Variants in FREM2 observed in about 807,000 individuals in gnomAD.
FREM2 encodes the protein FRAS1-related extracellular matrix protein 2.
FREM2 carries 119 observed loss-of-function variants against 219.9 expected under a neutral mutation model. That is an observed-to-expected ratio of 0.54 (90% confidence interval 0.47 to 0.63). The LOEUF (loss-of-function observed/expected upper bound fraction) is 0.63, where lower values mean the gene tolerates loss of function less well. Ranked by LOEUF, FREM2 falls within the 30% of genes least tolerant of loss-of-function variation. The pLI is 0.00. For synonymous variants in FREM2, 1,562 were observed against 1,522.8 expected (o/e 1.03, Z -0.60); for missense variants, 4,030 against 3,993.6 (o/e 1.01, Z -0.25).
chr13:38,811,289 T>C (rs1875465284), intron 6 of FREM2, among the ~76,000 whole-genome samples: 1 of 152,080 alleles, frequency 6.6e-6, no homozygotes, highest in African/African-American at 2.4e-5. Flanking sequence ...TATTATATTC[T>C]TCATTTCAAA....
intron 2 of FREM2, among the ~76,000 whole-genome samples, chr13:38,721,517 A>C (rs1230063159): frequency 1.3e-5 from 2 of 152,112 alleles, no homozygotes; most frequent in African/African-American, 4.8e-5. Flanking sequence ...TAGCAAGCTG[A>C]CCCTCAATGC....
Position 38,688,049 on chromosome 13 carries a change from C to T in FREM2, c.705C>T (p.His235=), listed in dbSNP as rs769249087. The T allele has an allele frequency of 7.5e-6, 12 of 1,608,828 alleles. No individual in the cohort carries two copies. In the Admixed American group the frequency reaches 2.0e-4, roughly 27 times the overall value. The change falls in exon 1 of 24, where the codon CAC becomes CAT. Residue 235 remains histidine (H), a synonymous_variant. Transcript: ENST00000280481. ...TGCCTCGCTATGGAGAACTCCTCCA[C>T]TACCCGCAGGTCCCTGGAGGAGCCA... ...GALPRYGELL[H]YPQVPGGARE...
At chr13:38,784,418 C>T (rs929624599) in intron 5 of FREM2, 139 bp from the exon 6 acceptor site, 27 of 816,910 alleles carry the variant, frequency 3.3e-5, no homozygotes, top group Non-Finnish European at 5.1e-5. Context: ...TAGAACAGTA[C>T]GTAGTTGCTA....
intron 4 of FREM2, among the ~76,000 whole-genome samples, chr13:38,770,172 T>G (rs576141637): frequency 6.8e-6 from 1 of 147,966 alleles, no homozygotes; most frequent in African/African-American, 2.4e-5. Context: ...TTATATAATT[T>G]TATATATAAA....
At chr13:38,807,011 A>G (rs535368385) in intron 6 of FREM2, among the ~76,000 whole-genome samples, 10 of 150,860 alleles carry the variant, frequency 6.6e-5, no homozygotes, top group African/African-American at 2.4e-4. Context: ...GATTGCAGTG[A>G]TTGAGTCATA....
chr13:38,848,397 A>G (rs1877240137), intron 7 of FREM2, 64 bp from the exon 8 acceptor site: 1 of 1,071,878 alleles, frequency 9.3e-7, no homozygotes, highest in African/African-American at 1.6e-5. Context: ...TACATAATTT[A>G]TGTCTTATAA....
intron 2 of FREM2, among the ~76,000 whole-genome samples, chr13:38,732,925 A>G (rs1285122645): frequency 1.3e-5 from 2 of 152,150 alleles, no homozygotes; most frequent in African/African-American, 4.8e-5. Flanking sequence ...TTATTGGGAT[A>G]TTGTTTCAGT....
intron 2 of FREM2, among the ~76,000 whole-genome samples, chr13:38,724,684 A>AT (rs1228399517): frequency 6.6e-6 from 1 of 152,194 alleles, no homozygotes; most frequent in African/African-American, 2.4e-5. Context: ...TAGAACCAAC[A>AT]TTATGAGAAC....
intron 6 of FREM2, among the ~76,000 whole-genome samples, chr13:38,815,609 G>A (rs1056064649): frequency 7.9e-5 from 12 of 152,176 alleles, no homozygotes; most frequent in African/African-American, 1.2e-4. Flanking sequence ...GAGATTACCC[G>A]AGGCTGGGTA....
At chr13:38,831,607 A>G (rs1014192372) in intron 6 of FREM2, among the ~76,000 whole-genome samples, 4 of 104,970 alleles carry the variant, frequency 3.8e-5, no homozygotes, top group East Asian at 3.1e-4. Flanking sequence ...ATACATTTTA[A>G]CTTCAATTTT....
chr13:38,692,858 G>C (rs541616313), intron 1 of FREM2, among the ~76,000 whole-genome samples: 40 of 152,302 alleles, frequency 2.6e-4, no homozygotes, highest in Non-Finnish European at 4.1e-4. Flanking sequence ...GTTGTATGCT[G>C]CAGGTGGTTC....
rs1166953813 is a variant in FREM2, at chr13:38,687,295, C to T, written c.-50C>T. On this transcript the variant is annotated 5_prime_UTR_variant, in exon 1 of 24. Transcript: ENST00000280481. ...TGTCTCTTGTTGTCTGCCCGGGGAC[C>T]GACTTCGCATGCTCTCAGGCTGACC... 2.6e-6 allele frequency: 4 copies of T among 1,558,628 alleles called. No individual in the cohort carries two copies. In the African/African-American group the frequency reaches 5.4e-5, roughly 21 times the overall value.
chr13:38,850,880 T>C (rs1335804690), intron 9 of FREM2, 64 bp from the exon 10 acceptor site: 5 of 1,586,206 alleles, frequency 3.2e-6, no homozygotes, highest in East Asian at 2.2e-5. Flanking sequence ...CTTATGGTGC[T>C]CACATTCTAG....
chr13:38,787,453 TC>T (rs1874374903), intron 6 of FREM2, among the ~76,000 whole-genome samples: 1 of 152,130 alleles, frequency 6.6e-6, no homozygotes, highest in African/African-American at 2.4e-5. Context: ...CACCTTGGTT[TC>T]CATTGCCACC....
At chr13:38,773,533 G>T (rs1013747356) in intron 4 of FREM2, among the ~76,000 whole-genome samples, 2 of 152,122 alleles carry the variant, frequency 1.3e-5, no homozygotes, top group Admixed American at 6.6e-5. Flanking sequence ...TAGTATTAGA[G>T]GTACACACCA....
intron 6 of FREM2, among the ~76,000 whole-genome samples, chr13:38,785,839 G>A (rs1359068245): frequency 6.6e-6 from 1 of 152,128 alleles, no homozygotes; most frequent in Non-Finnish European, 1.5e-5. Context: ...CTGATTTATA[G>A]TAGCTGTGAG....
intron 16 of FREM2, among the ~76,000 whole-genome samples, chr13:38,865,355 C>T (rs1354146201): frequency 6.6e-6 from 1 of 152,046 alleles, no homozygotes; most frequent in African/African-American, 2.4e-5. Context: ...CAATAGAGAA[C>T]CTAAAATATG....
intron 6 of FREM2, among the ~76,000 whole-genome samples, chr13:38,788,372 G>A (rs1874416325): frequency 6.6e-6 from 1 of 152,048 alleles, no homozygotes; most frequent in Non-Finnish European, 1.5e-5. Context: ...AATAAGTTTG[G>A]GATGGTTTAT....
chr13:38,828,862 A>G (rs1223097191), intron 6 of FREM2, among the ~76,000 whole-genome samples: 1 of 152,132 alleles, frequency 6.6e-6, no homozygotes, highest in Non-Finnish European at 1.5e-5. Flanking sequence ...TCCCCTATGG[A>G]TGGGCATTTA....
Sources: allele counts gnomAD v4.1 joint callset (sites outside exome capture counted in the v4.1 genomes callset), GRCh38; gene constraint gnomAD v4.1.1; transcripts MANE v1.5; gene names NCBI Gene and HGNC (gene_info 2026-07-23, HGNC 2026-07-21).